COL5A1: variants seen among roughly 807,000 people sequenced by gnomAD.
COL5A1 encodes the protein collagen alpha-1(V) chain.
In COL5A1, 16 loss-of-function variants were observed where a neutral mutation model predicts 263.7. The observed-to-expected ratio is 0.06, with a 90% CI of 0.04 to 0.09. COL5A1 has a LOEUF of 0.09. Among genes scored for constraint, COL5A1 ranks in the 10% least tolerant of loss-of-function variants. COL5A1 has a pLI of 1.00. For synonymous variants in COL5A1, 1,012 were observed against 1,004.5 expected, an observed-to-expected ratio of 1.01 and a Z score of -0.14; for missense variants, 2,036 against 2,540.5, an observed-to-expected ratio of 0.80 and a Z score of 4.27.
At chr9:134,763,282 C>A (rs1836535500) in intron 19 of COL5A1, among the ~76,000 whole-genome samples, 1 of 152,222 alleles carries the variant, frequency 6.6e-6, no homozygotes, top group Non-Finnish European at 1.5e-5. Flanking sequence ...GCTGTACTTT[C>A]CAGGCTGTTT....
rs948913226 is a variant in COL5A1 at position 134,647,888 on chromosome 9, G to C, written c.109+5592G>C. ...TGGTGGATGTGCCTCGATCCTGCAG[G>C]CGGAGCCCACAGCGGCCCTTGTGGT... On this transcript the variant is annotated intron_variant, in intron 1 of 65. Transcript: ENST00000371817. This position sits in a 1 kb window ranked among gnomAD's most constrained non-coding sequence, Gnocchi z 5.0. 1.2e-4 allele frequency among the ~76,000 whole-genome samples: 18 copies of C among 152,176 alleles called. No homozygotes were observed. Among genetic ancestry groups the C allele is most frequent in the Non-Finnish European group, 1.8e-4 (12 of 68,040 alleles).
rs35945492 is a variant in COL5A1 at position 134,705,967 on chromosome 9, C to T, written c.654+4634C>T. Among the ~76,000 whole-genome samples, 66 of 152,342 alleles carry T rather than the reference C, an allele frequency of 4.3e-4. No homozygotes were observed. In the East Asian group the frequency reaches 5.6e-3, roughly 13 times the overall value. On this transcript the variant is annotated intron_variant, in intron 4 of 65. Coordinates refer to ENST00000371817, the MANE Select transcript of COL5A1 (RefSeq NM_000093.5). Reference sequence around the variant, plus strand: ...CGAGTGCTCCGGGGCGCCTCCTGCCCGTACCTGCACCTGCCATCACAGCAG... The same window carrying T: ...CGAGTGCTCCGGGGCGCCTCCTGCCTGTACCTGCACCTGCCATCACAGCAG...
intron 1 of COL5A1, among the ~76,000 whole-genome samples, chr9:134,675,367 G>C (rs1036088208): frequency 9.9e-5 from 15 of 152,126 alleles, no homozygotes; most frequent in Non-Finnish European, 1.3e-4. Flanking sequence ...AAAAAAATTT[G>C]TGCCAGTTTG....
At chr9:134,777,578 G>T (rs1463916404) in intron 27 of COL5A1, among the ~76,000 whole-genome samples, 1 of 152,182 alleles carries the variant, frequency 6.6e-6, no homozygotes, top group African/African-American at 2.4e-5. Context: ...GTCTCAGGAG[G>T]CTGCGGCTGG....
intron 4 of COL5A1, among the ~76,000 whole-genome samples, chr9:134,724,976 G>GCTGGCTA (rs1811892128): frequency 6.6e-6 from 1 of 152,166 alleles, no homozygotes; most frequent in Admixed American, 6.5e-5. Context: ...CCTGCAGCCC[G>GCTGGCTA]CTGGCTACTG....
At chr9:134,761,531 C>T (rs73558091) in intron 18 of COL5A1, among the ~76,000 whole-genome samples, 7,659 of 152,334 alleles carry the variant, frequency 0.05, 238 homozygotes, top group African/African-American at 0.077. Flanking sequence ...GCACCCACTG[C>T]GTGCGAGCTC....
At chr9:134,697,562 C>G (rs532302278) in intron 2 of COL5A1, among the ~76,000 whole-genome samples, 1 of 152,126 alleles carries the variant, frequency 6.6e-6, no homozygotes, top group Non-Finnish European at 1.5e-5. Flanking sequence ...GGAGTGGACT[C>G]AGATGGTGAC....
chr9:134,700,948 A>G lies in COL5A1; in HGVS notation c.492-223A>G, dbSNP rs1833651923. Among the ~76,000 whole-genome samples, 1 of 152,070 alleles carries G rather than the reference A, an allele frequency of 6.6e-6. No individual in the cohort carries two copies. Among genetic ancestry groups the G allele is most frequent in the Non-Finnish European group, 1.5e-5 (1 of 68,014 alleles). On this transcript the variant is annotated intron_variant, in intron 3 of 65. Coordinates refer to ENST00000371817, the MANE Select transcript of COL5A1 (RefSeq NM_000093.5). This position sits in a 1 kb window ranked among gnomAD's most constrained non-coding sequence, Gnocchi z 4.0. ...CTGGGCTTCCAGGGTTCAGACAGCCATCCTTGTCTGAGGGACGAGGGTTCT... is the reference window on the plus strand; with the variant it reads ...CTGGGCTTCCAGGGTTCAGACAGCCGTCCTTGTCTGAGGGACGAGGGTTCT...
intron 4 of COL5A1, chr9:134,708,419 C>CA (rs1554782802): frequency 8.1e-6 from 3 of 371,542 alleles, no homozygotes; most frequent in Admixed American, 3.1e-5. Context: ...GAGCAACTCC[C>CA]GGGGTGGGGG....
intron 1 of COL5A1, among the ~76,000 whole-genome samples, chr9:134,668,937 A>G (rs887106934): frequency 4.7e-5 from 7 of 147,844 alleles, no homozygotes; most frequent in East Asian, 2.0e-4. Flanking sequence ...CCAATCATCC[A>G]TCCTTCCACC....
At chr9:134,727,165 G>T in intron 4 of COL5A1, 101 bp from the exon 5 acceptor site, 1 of 1,281,646 alleles carries the variant, frequency 7.8e-7, no homozygotes, top group African/African-American at 1.5e-5. Flanking sequence ...TTGTGGCTTG[G>T]TCTGGACTTT....
At position 134,822,728 on chromosome 9, in the gene COL5A1, C is replaced by CA. The variant is rs71499198; in HGVS notation, c.4609-270_4609-269insA. ...ATGCTCTTTTCCGCTGCGCCCCCCC[C>CA]GCGGCTGTCTGAGCTGGGGTTTCCT... On this transcript the variant is annotated intron_variant, in intron 59 of 65. Transcript: ENST00000371817. Among the ~76,000 whole-genome samples the CA allele has an allele frequency of 9.2e-5, 14 of 151,482 alleles. No individual in the cohort carries two copies. In the South Asian group the frequency reaches 1.5e-3, roughly 16 times the overall value.
chr9:134,690,676 G>T (rs1450301942), intron 1 of COL5A1, among the ~76,000 whole-genome samples: 2 of 152,188 alleles, frequency 1.3e-5, no homozygotes, highest in African/African-American at 4.8e-5. Context: ...CTCTGGGCTA[G>T]CCTGGGTCTG....
intron 1 of COL5A1, among the ~76,000 whole-genome samples, chr9:134,662,246 G>A (rs762001281): frequency 2.4e-4 from 37 of 152,080 alleles, no homozygotes; most frequent in African/African-American, 7.0e-4. Context: ...TCGTGTACGC[G>A]GCCAGCACAT....
chr9:134,802,517 C>T (rs13294882), intron 38 of COL5A1, among the ~76,000 whole-genome samples: 6,328 of 152,320 alleles, frequency 0.042, 167 homozygotes, highest in Non-Finnish European at 0.062. Flanking sequence ...GCTGCAGCCA[C>T]AGAACTGAAG....
At chr9:134,817,243 A>T (rs1838792076) in intron 53 of COL5A1, among the ~76,000 whole-genome samples, 164 bp downstream of exon 53, 1 of 152,140 alleles carries the variant, frequency 6.6e-6, no homozygotes, top group Non-Finnish European at 1.5e-5. Flanking sequence ...ATCATCACCT[A>T]ATCACAGGCT....
At position 134,740,352 on chromosome 9, in the gene COL5A1, C is replaced by T. The variant is rs542034792; in HGVS notation, c.1494+1544C>T. Among the ~76,000 whole-genome samples, 356 of 152,324 alleles carry T rather than the reference C, an allele frequency of 2.3e-3. 1 individual carries two copies. The highest frequency in any genetic ancestry group is 8.0e-3 in the African/African-American group (333 of 41,570). On this transcript the variant is annotated intron_variant, in intron 11 of 65. Transcript: ENST00000371817. ...CAGCTCGCTCTGGAGACCCCTTCCC[C>T]CAGATTCGCGTGAGATGGGGCAACG...
intron 63 of COL5A1, 123 bp from the exon 64 acceptor site, chr9:134,829,852 AG>A: frequency 1.9e-6 from 2 of 1,060,800 alleles, no homozygotes; most frequent in Non-Finnish European, 2.8e-6. Flanking sequence ...TCCTCCCTGC[AG>A]CCCCCCCGGC....
At chr9:134,795,944 C>G (rs1251385491) in intron 34 of COL5A1, among the ~76,000 whole-genome samples, 1 of 152,250 alleles carries the variant, frequency 6.6e-6, no homozygotes, top group African/African-American at 2.4e-5. Flanking sequence ...CTGAACTCCT[C>G]CAGGACAAGC....
Sources: gnomAD v4.1 joint callset for allele counts (sites outside exome capture counted in the v4.1 genomes callset) on GRCh38, gnomAD v4.1.1 for gene constraint, Gnocchi (gnomAD v3.1) non-coding constraint, MANE v1.5 for transcripts, NCBI Gene and HGNC (gene_info 2026-07-23, HGNC 2026-07-21) for gene names.